SLC24A4: variants seen among roughly 807,000 people sequenced by gnomAD.
The protein encoded by SLC24A4 is sodium/potassium/calcium exchanger 4.
Under a neutral mutation model 79.0 loss-of-function variants are expected in SLC24A4, and 53 were observed. The observed-to-expected ratio is 0.67, with a 90% CI of 0.54 to 0.84. The LOEUF is 0.84. SLC24A4 is among the 40% of genes least tolerant of loss of function. The pLI is 0.00. For missense variants in SLC24A4, 731 were observed against 822.0 expected, an observed-to-expected ratio of 0.89 and a Z score of 1.35; for synonymous variants, 323 against 323.8, an observed-to-expected ratio of 1.00 and a Z score of 0.03.
chr14:92,400,128 C>A (rs1566740172), intron 2 of SLC24A4, among the ~76,000 whole-genome samples: 1 of 152,072 alleles, frequency 6.6e-6, no homozygotes, highest in Non-Finnish European at 1.5e-5. Context: ...AATTACAGCA[C>A]CTTGATAAAC....
At chr14:92,347,542 C>T (rs1159021084) in intron 2 of SLC24A4, among the ~76,000 whole-genome samples, 1 of 152,198 alleles carries the variant, frequency 6.6e-6, no homozygotes, top group Non-Finnish European at 1.5e-5. Flanking sequence ...TTGCAAAATC[C>T]ATTCCCATCT....
rs1188331818 is a variant in SLC24A4, at chr14:92,412,718, T to C, written c.242-21194T>C. Among the ~76,000 whole-genome samples, 9 of 152,112 alleles carry C rather than the reference T, an allele frequency of 5.9e-5. No individual in the cohort carries two copies. In the South Asian group the frequency reaches 1.7e-3, roughly 28 times the overall value. On this transcript the variant is annotated intron_variant, in intron 2 of 16. Coordinates refer to ENST00000532405, the MANE Select transcript of SLC24A4 (RefSeq NM_153646.4). ...TCTACATCATCCCCTCCTCTCTGTT[T>C]CCATGTTACTTCAACAGCTTCTACC... is the stretch of plus-strand genomic sequence containing the variant.
intron 14 of SLC24A4, among the ~76,000 whole-genome samples, chr14:92,488,499 C>T (rs1234604623): frequency 8.5e-6 from 1 of 117,296 alleles, no homozygotes; most frequent in African/African-American, 3.4e-5. Context: ...TCACAGGTTC[C>T]AGATGGACAT....
intron 2 of SLC24A4, among the ~76,000 whole-genome samples, chr14:92,337,489 C>A (rs1566694522): frequency 6.6e-6 from 1 of 152,186 alleles, no homozygotes; most frequent in Non-Finnish European, 1.5e-5. Flanking sequence ...ACCCCTCTAG[C>A]CTGTCGGTGC....
intron 2 of SLC24A4, among the ~76,000 whole-genome samples, chr14:92,357,800 G>A (rs148362036): frequency 3.2e-4 from 48 of 152,296 alleles, no homozygotes; most frequent in Middle Eastern, 3.4e-3. Flanking sequence ...ATGCACTTAC[G>A]GCCTCTGAAC....
At chr14:92,386,392 T>C (rs1286171797) in intron 2 of SLC24A4, among the ~76,000 whole-genome samples, 1 of 152,078 alleles carries the variant, frequency 6.6e-6, no homozygotes, top group Non-Finnish European at 1.5e-5. Flanking sequence ...CAGATCAACT[T>C]ATTAGAATGC....
At chr14:92,484,855 C>G (rs149981553) in intron 13 of SLC24A4, 1 of 985,438 alleles carries the variant, frequency 1.0e-6, no homozygotes, top group East Asian at 1.1e-4. Context: ...TACCTGGTAA[C>G]AGTCAGATGA....
At position 92,494,007 on chromosome 14, in the gene SLC24A4, C is replaced by G; in HGVS notation, c.*379C>G. On this transcript the variant is annotated 3_prime_UTR_variant, in exon 17 of 17. Coordinates refer to ENST00000532405, the MANE Select transcript of SLC24A4 (RefSeq NM_153646.4). This position sits in a 1 kb window ranked among gnomAD's most constrained non-coding sequence, Gnocchi z 4.6. ...CTTCAGAATTGAGGTCATTTGTGAG[C>G]ACAAGATCTCATAGGGCAGGTGCAA... The G allele has an allele frequency of 5.1e-6, 1 of 196,242 alleles. No homozygotes were observed. Among genetic ancestry groups the G allele is most frequent in the Non-Finnish European group, 1.1e-5 (1 of 94,150 alleles). 12.2% of individuals were successfully genotyped at this position (196,242 alleles called of 1,614,324 possible).
intron 16 of SLC24A4, 27 bp from the exon 17 acceptor site, chr14:92,493,449 C>G: frequency 6.2e-7 from 1 of 1,612,742 alleles, no homozygotes; most frequent in Non-Finnish European, 8.5e-7. Context: ...GCCCTGCAAG[C>G]CCAGTTCCCA....
At chr14:92,377,543 A>G (rs1337742382) in intron 2 of SLC24A4, among the ~76,000 whole-genome samples, 2 of 152,210 alleles carry the variant, frequency 1.3e-5, no homozygotes, top group African/African-American at 4.8e-5. Flanking sequence ...GAACAGCAGG[A>G]ACAGGAGGCA....
At chr14:92,405,402 T>C (rs900373836) in intron 2 of SLC24A4, among the ~76,000 whole-genome samples, 8 of 152,250 alleles carry the variant, frequency 5.3e-5, no homozygotes, top group Admixed American at 2.0e-4. Context: ...AGGCAGGGGT[T>C]ACCTGGTATG....
chr14:92,404,268 C>T (rs1231960587), intron 2 of SLC24A4, among the ~76,000 whole-genome samples: 3 of 152,202 alleles, frequency 2.0e-5, no homozygotes, highest in Non-Finnish European at 2.9e-5. Flanking sequence ...TCTTCCCTCA[C>T]TATAGCCTCT....
At chr14:92,475,946 G>A (rs1244260222) in intron 12 of SLC24A4, among the ~76,000 whole-genome samples, 1 of 152,162 alleles carries the variant, frequency 6.6e-6, no homozygotes, top group Non-Finnish European at 1.5e-5. Context: ...CGGGTCGGTT[G>A]AAGCACTGTT....
intron 2 of SLC24A4, among the ~76,000 whole-genome samples, chr14:92,394,579 A>T (rs1259269834): frequency 1.3e-5 from 2 of 152,184 alleles, no homozygotes; most frequent in East Asian, 1.9e-4. Flanking sequence ...ATATATGTAG[A>T]CTTCTGCCAG....
chr14:92,342,742 C>G (rs929060356), intron 2 of SLC24A4, among the ~76,000 whole-genome samples: 1 of 152,234 alleles, frequency 6.6e-6, no homozygotes, highest in African/African-American at 2.4e-5. Context: ...TCACATCCCC[C>G]ATTTGAAGAA....
intron 2 of SLC24A4, among the ~76,000 whole-genome samples, chr14:92,351,273 G>C (rs922973359): frequency 2.9e-5 from 4 of 139,818 alleles, no homozygotes; most frequent in Admixed American, 7.3e-5. Context: ...ACCCAATACT[G>C]CCTATGCCGA....
chr14:92,330,011 T>A lies in SLC24A4; in HGVS notation c.241+4033T>A, dbSNP rs149549221. On this transcript the variant is annotated intron_variant, in intron 2 of 16. Coordinates refer to ENST00000532405, the MANE Select transcript of SLC24A4 (RefSeq NM_153646.4). ...CCCAGAGTGTCTGATTTCACTGGTT[T>A]GGGGTAGGGCCCAGGAGTCAATACT... Among the ~76,000 whole-genome samples the A allele has an allele frequency of 6.1e-3, 928 of 152,326 alleles. 11 individuals carry two copies. The highest frequency in any genetic ancestry group is 0.021 in the African/African-American group (870 of 41,562).
chr14:92,349,911 G>A (rs558985181), intron 2 of SLC24A4, among the ~76,000 whole-genome samples: 2 of 152,268 alleles, frequency 1.3e-5, no homozygotes, highest in East Asian at 3.9e-4. Context: ...TTTCCTAAGA[G>A]GCCATTCCTA....
At chr14:92,471,234 A>G (rs551728452) in intron 12 of SLC24A4, among the ~76,000 whole-genome samples, 3 of 152,320 alleles carry the variant, frequency 2.0e-5, no homozygotes, top group African/African-American at 7.2e-5. Context: ...AAGGTTGCCC[A>G]CTGGCCTCTG....
Sources: gnomAD v4.1 joint callset for allele counts (sites outside exome capture counted in the v4.1 genomes callset) on GRCh38, gnomAD v4.1.1 for gene constraint, Gnocchi (gnomAD v3.1) non-coding constraint, MANE v1.5 for transcripts, NCBI Gene and HGNC (gene_info 2026-07-23, HGNC 2026-07-21) for gene names.